ARHGAP32: variants seen among roughly 807,000 people sequenced by gnomAD.
ARHGAP32 encodes rho GTPase-activating protein 32.
In ARHGAP32, 51 loss-of-function variants were observed where a neutral mutation model predicts 186.5. The ratio of observed to expected loss-of-function variants is 0.27; its 90% CI spans 0.22 to 0.35. The LOEUF (loss-of-function observed/expected upper bound fraction) is 0.35, where lower values mean the gene tolerates loss of function less well. Ranked by LOEUF, ARHGAP32 falls within the 10% of genes least tolerant of loss-of-function variation. The pLI is 1.00. For missense variants in ARHGAP32, 2,186 were observed against 2,623.5 expected (o/e 0.83, Z 3.64); for synonymous variants, 950 against 964.3 (o/e 0.99, Z 0.27).
chr11:129,173,356 C>G lies in ARHGAP32; in HGVS notation c.117-8929G>C, dbSNP rs911388276. On this transcript the variant is annotated intron_variant, in intron 1 of 22. Coordinates refer to ENST00000682385, the MANE Select transcript of ARHGAP32 (RefSeq NM_001378024.1). ...AAAAAAAAAAAAGAAAAGCCCAGGACCAGACGGATTCACAGCCAAATTTTA... is the reference window on the plus strand; with the variant it reads ...AAAAAAAAAAAAGAAAAGCCCAGGAGCAGACGGATTCACAGCCAAATTTTA... Among the ~76,000 whole-genome samples, 13 of 151,408 alleles carry G rather than the reference C, an allele frequency of 8.6e-5. No homozygotes were observed. The South Asian group carries it at 1.3e-3, about 15-fold the overall frequency.
intron 1 of ARHGAP32, among the ~76,000 whole-genome samples, chr11:129,207,074 G>T (rs1017195910): frequency 6.6e-6 from 1 of 152,118 alleles, no homozygotes; most frequent in African/African-American, 2.4e-5. Context: ...TCCCTGCAAA[G>T]GACATGAACT....
At chr11:129,233,033 C>T (rs1445072491) in intron 1 of ARHGAP32, among the ~76,000 whole-genome samples, 1 of 152,072 alleles carries the variant, frequency 6.6e-6, no homozygotes, top group Non-Finnish European at 1.5e-5. Flanking sequence ...ACACTTAAGA[C>T]ATGAATTTCA....
intron 20 of ARHGAP32, among the ~76,000 whole-genome samples, chr11:128,975,748 T>C (rs919184072): frequency 4.6e-5 from 7 of 152,140 alleles, no homozygotes; most frequent in Non-Finnish European, 1.0e-4. Flanking sequence ...GAAACTATCT[T>C]AATAAATATA....
intron 1 of ARHGAP32, among the ~76,000 whole-genome samples, chr11:129,233,918 G>C (rs1245525970): frequency 2.0e-5 from 3 of 151,638 alleles, no homozygotes; most frequent in African/African-American, 7.3e-5. Context: ...CATAATAGAG[G>C]TCTCAACAAA....
At chr11:129,191,782 G>C (rs1293454404) in intron 1 of ARHGAP32, among the ~76,000 whole-genome samples, 1 of 151,926 alleles carries the variant, frequency 6.6e-6, no homozygotes, top group African/African-American at 2.4e-5. Context: ...GATACAGGAA[G>C]GGGTAGTAGT....
chr11:129,169,565 A>G (rs543408017), intron 1 of ARHGAP32, among the ~76,000 whole-genome samples: 15 of 149,214 alleles, frequency 1.0e-4, no homozygotes, highest in African/African-American at 3.5e-4. Context: ...CGGGAGGTGA[A>G]GCTTTGCAGT....
chr11:129,272,321 T>C (rs1945483186), intron 1 of ARHGAP32, among the ~76,000 whole-genome samples: 2 of 152,208 alleles, frequency 1.3e-5, no homozygotes, highest in Non-Finnish European at 2.9e-5. Context: ...AAAATCCATC[T>C]TATTCATCCA....
intron 1 of ARHGAP32, among the ~76,000 whole-genome samples, chr11:129,269,041 C>A (rs1170606555): frequency 2.0e-5 from 3 of 152,122 alleles, no homozygotes; most frequent in Admixed American, 2.0e-4. Flanking sequence ...AAGGCCAATG[C>A]AGTTGAATCA....
At chr11:129,212,180 T>C (rs1296626457) in intron 1 of ARHGAP32, among the ~76,000 whole-genome samples, 3 of 151,998 alleles carry the variant, frequency 2.0e-5, no homozygotes, top group Non-Finnish European at 1.5e-5. Flanking sequence ...AAAATAAAAG[T>C]ACTGAAATCG....
At chr11:128,984,246 G>C (rs1207039566) in intron 15 of ARHGAP32, among the ~76,000 whole-genome samples, 1 of 152,000 alleles carries the variant, frequency 6.6e-6, no homozygotes, top group African/African-American at 2.4e-5. Context: ...ATGGTGGTGT[G>C]TGCCAGTGGT....
chr11:129,205,100 C>G (rs1211955687), intron 1 of ARHGAP32, among the ~76,000 whole-genome samples: 1 of 152,112 alleles, frequency 6.6e-6, no homozygotes, highest in Non-Finnish European at 1.5e-5. Context: ...AAAAGATACA[C>G]AGATTTATGT....
Position 128,971,131 on chromosome 11 carries a change from C to T in ARHGAP32, c.4082G>A (p.Arg1361Lys). The T allele has an allele frequency of 1.2e-6, 2 of 1,613,496 alleles. No individual in the cohort carries two copies. Among genetic ancestry groups the T allele is most frequent in the Non-Finnish European group, 1.7e-6 (2 of 1,179,494 alleles). Residue 1361 changes from arginine (R) to lysine (K), a missense_variant, in exon 23 of 23, where the codon AGG (arginine) becomes AAG (lysine). Arg to Lys is a conservative substitution (Grantham distance 26). Around this residue, in one of 5 missense-constraint regions of ARHGAP32, gnomAD observed 1,502 missense variants for 1,570.0 expected, o/e 0.96. Transcript: ENST00000682385. Reference sequence around the variant, plus strand: ...ATCCATGGCTCGAGGTTCAGGTGGCCTCTCTGGAACTGGAACTACTCCTTG... The same window carrying T: ...ATCCATGGCTCGAGGTTCAGGTGGCTTCTCTGGAACTGGAACTACTCCTTG... ...KVQGVVPVPE[R>K]PPEPRAMDDP...
chr11:129,225,735 G>C (rs1410720179), intron 1 of ARHGAP32, among the ~76,000 whole-genome samples: 1 of 152,082 alleles, frequency 6.6e-6, no homozygotes, highest in Non-Finnish European at 1.5e-5. Flanking sequence ...AAATAAAATA[G>C]TATGGCCTAT....
chr11:129,277,640 G>T (rs1055391351), intron 1 of ARHGAP32, among the ~76,000 whole-genome samples: 1 of 152,158 alleles, frequency 6.6e-6, no homozygotes, highest in African/African-American at 2.4e-5. Context: ...ACCACGGTAC[G>T]AAGATAACTG....
intron 11 of ARHGAP32, among the ~76,000 whole-genome samples, chr11:129,030,077 C>G (rs1008107287): frequency 1.3e-5 from 2 of 152,130 alleles, no homozygotes; most frequent in Non-Finnish European, 2.9e-5. Context: ...TTTTAGTACT[C>G]CTTTGACTCT....
At chr11:129,240,599 T>C (rs1565477837) in intron 1 of ARHGAP32, among the ~76,000 whole-genome samples, 1 of 152,226 alleles carries the variant, frequency 6.6e-6, no homozygotes, top group African/African-American at 2.4e-5. Flanking sequence ...AAAGCTGTCT[T>C]GTCTCTGAAT....
Position 128,974,644 on chromosome 11 carries a change from T to A in ARHGAP32, c.2553A>T (p.Glu851Asp). ...DKPSANKKDA[E>D]TGSSQCQTPG... ...GAGTCTGACATTGGCTACTACCTGT[T>A]TCTGCATCCTTTTTATTGGCACTTG... is the stretch of plus-strand genomic sequence containing the variant. The change falls in exon 21 of 23, where the codon GAA (glutamate) becomes GAT (aspartate). Residue 851 changes from glutamate to aspartate, a missense_variant. This residue lies in a region of ARHGAP32 where 5 missense variants were observed against 16.6 expected (regional missense o/e 0.30). Transcript: ENST00000682385. The A allele has an allele frequency of 1.9e-6, 3 of 1,614,214 alleles. No homozygotes were observed. Among genetic ancestry groups the A allele is most frequent in the Non-Finnish European group, 2.5e-6 (3 of 1,180,034 alleles).
At chr11:129,270,078 A>G (rs1357003495) in intron 1 of ARHGAP32, among the ~76,000 whole-genome samples, 5 of 152,154 alleles carry the variant, frequency 3.3e-5, no homozygotes, top group African/African-American at 9.7e-5. Context: ...GCTTGTAGCA[A>G]CTTTATCCAG....
chr11:129,010,488 T>G (rs1009262050), intron 11 of ARHGAP32, among the ~76,000 whole-genome samples: 3 of 152,088 alleles, frequency 2.0e-5, no homozygotes, highest in African/African-American at 7.2e-5. Flanking sequence ...AAGGAAGGGG[T>G]CTAGTTTCAA....
Sources: allele counts gnomAD v4.1 joint callset (sites outside exome capture counted in the v4.1 genomes callset), GRCh38; gene constraint gnomAD v4.1.1; regional missense constraint gnomAD v4.1.1; transcripts MANE v1.5; gene names NCBI Gene and HGNC (gene_info 2026-07-23, HGNC 2026-07-21).